GNAQ: variants seen among roughly 807,000 people sequenced by gnomAD.
GNAQ encodes G protein subunit alpha q.
GNAQ carries 8 observed loss-of-function variants against 43.9 expected under a neutral mutation model. That is an observed-to-expected ratio of 0.18 (90% CI 0.11 to 0.33). The LOEUF (loss-of-function observed/expected upper bound fraction) is 0.33, where lower values mean the gene tolerates loss of function less well. GNAQ is among the 10% of genes least tolerant of loss of function. The pLI, the probability that GNAQ is intolerant of heterozygous loss-of-function variation, is 1.00. For synonymous variants in GNAQ, 155 were observed against 170.7 expected, an observed-to-expected ratio of 0.91 and a Z score of 0.71; for missense variants, 158 against 450.8, an observed-to-expected ratio of 0.35 and a Z score of 5.88.
intron 2 of GNAQ, among the ~76,000 whole-genome samples, chr9:77,836,902 A>T (rs1367765619): frequency 6.6e-6 from 1 of 152,236 alleles, no homozygotes; most frequent in Non-Finnish European, 1.5e-5. Flanking sequence ...TAGAGATAGG[A>T]CATAAAAGTT....
At chr9:78,025,574 G>A (rs1478760237) in intron 1 of GNAQ, among the ~76,000 whole-genome samples, 1 of 152,108 alleles carries the variant, frequency 6.6e-6, no homozygotes, top group African/African-American at 2.4e-5. Flanking sequence ...TTCCAACCAG[G>A]AAATTTGACT....
At chr9:77,891,991 T>A (rs1347704638) in intron 2 of GNAQ, among the ~76,000 whole-genome samples, 1 of 152,234 alleles carries the variant, frequency 6.6e-6, no homozygotes, top group Non-Finnish European at 1.5e-5. Context: ...CCTGCCTTTT[T>A]TCAAAAGCCA....
At chr9:77,986,934 C>T (rs927787861) in intron 1 of GNAQ, among the ~76,000 whole-genome samples, 1 of 146,252 alleles carries the variant, frequency 6.8e-6, no homozygotes, top group South Asian at 2.2e-4. Flanking sequence ...AGATTTTATT[C>T]TTTTATTTAT....
intron 2 of GNAQ, among the ~76,000 whole-genome samples, chr9:77,841,610 A>G (rs1352990803): frequency 1.3e-5 from 2 of 152,226 alleles, no homozygotes; most frequent in Admixed American, 6.5e-5. Context: ...TGAAGCTACA[A>G]GAATCATTAT....
chr9:77,848,541 C>G (rs1344355543), intron 2 of GNAQ, among the ~76,000 whole-genome samples: 2 of 152,222 alleles, frequency 1.3e-5, no homozygotes, highest in Non-Finnish European at 2.9e-5. Context: ...TCCTGGCCAA[C>G]AGCAGAAAAG....
At chr9:77,849,946 A>G (rs1827646155) in intron 2 of GNAQ, among the ~76,000 whole-genome samples, 1 of 152,164 alleles carries the variant, frequency 6.6e-6, no homozygotes, top group South Asian at 2.1e-4. Context: ...CCAGCCCTTG[A>G]CAGTATTTGA....
intron 1 of GNAQ, among the ~76,000 whole-genome samples, chr9:77,977,307 A>G (rs978478999): frequency 1.3e-5 from 2 of 152,160 alleles, no homozygotes; most frequent in Non-Finnish European, 2.9e-5. Flanking sequence ...ACACAGATTA[A>G]GGCCAAAAGC....
intron 1 of GNAQ, 31 bp from the exon 2 acceptor site, chr9:77,922,376 C>T (rs750384690): frequency 2.7e-6 from 4 of 1,501,006 alleles, no homozygotes; most frequent in Non-Finnish European, 2.8e-6. Context: ...GCTCATCAGA[C>T]CACAGTGCCA....
chr9:77,894,262 A>C (rs1350960567), intron 2 of GNAQ, among the ~76,000 whole-genome samples: 1 of 129,476 alleles, frequency 7.7e-6, no homozygotes, highest in Non-Finnish European at 1.6e-5. Context: ...CATTTAAGTC[A>C]TAAAAGAAGC....
chr9:77,728,671 G>GAAA lies in GNAQ; in HGVS notation c.736-7_736-5dup, dbSNP rs5898555. The GAAA allele has an allele frequency of 6.9e-4, 918 of 1,324,570 alleles. No homozygotes were observed. The highest frequency in any genetic ancestry group is 8.3e-4 in the Non-Finnish European group (797 of 963,840). The allele number at this position is 1,324,570 out of a possible 1,614,324, so 82.1% of individuals were successfully genotyped here. ...CCTTGCTTTCCTCCATTCGGTTCTG[G>GAAA]AAAAAAAAAAAAAATCAGAAAAAAC... On this transcript the variant is annotated splice_polypyrimidine_tract_variant and splice_region_variant and intron_variant, in intron 5 of 6. Coordinates refer to ENST00000286548, the MANE Select transcript of GNAQ (RefSeq NM_002072.5).
chr9:77,789,176 T>G (rs1468476169), intron 5 of GNAQ, among the ~76,000 whole-genome samples: 1 of 152,202 alleles, frequency 6.6e-6, no homozygotes, highest in African/African-American at 2.4e-5. Context: ...AGATTTTTCA[T>G]GTGATTTATT....
At chr9:77,909,935 C>T in intron 2 of GNAQ, among the ~76,000 whole-genome samples, 1 of 152,020 alleles carries the variant, frequency 6.6e-6, no homozygotes, top group African/African-American at 2.4e-5. Context: ...TTTTAAAGTG[C>T]ATTTCTTGCT....
chr9:77,816,852 G>A (rs1431697085), intron 2 of GNAQ, among the ~76,000 whole-genome samples: 2 of 152,144 alleles, frequency 1.3e-5, no homozygotes, highest in Non-Finnish European at 2.9e-5. Context: ...TCCATGTTAG[G>A]CCTTTACCTT....
intron 2 of GNAQ, among the ~76,000 whole-genome samples, chr9:77,837,656 A>T (rs12346105): frequency 0.027 from 980 of 36,598 alleles, 5 homozygotes; most frequent in African/African-American, 0.038. Flanking sequence ...AAATTATTCT[A>T]AAAAAAAAAT....
chr9:77,880,568 T>G (rs902224527), intron 2 of GNAQ, among the ~76,000 whole-genome samples: 32 of 149,046 alleles, frequency 2.1e-4, no homozygotes, highest in African/African-American at 8.1e-4. Flanking sequence ...TTTTTTTTTT[T>G]GTTTTTTTTG....
At chr9:77,763,117 C>CA (rs1043866097) in intron 5 of GNAQ, among the ~76,000 whole-genome samples, 13 of 115,508 alleles carry the variant, frequency 1.1e-4, no homozygotes, top group Admixed American at 3.6e-4. Context: ...TAAAAAAAAA[C>CA]AAAAAAATAA....
At chr9:77,867,339 G>A (rs1387845325) in intron 2 of GNAQ, among the ~76,000 whole-genome samples, 3 of 152,060 alleles carry the variant, frequency 2.0e-5, no homozygotes, top group Non-Finnish European at 2.9e-5. Context: ...CCAAATTACT[G>A]TTTTCCTTTT....
intron 5 of GNAQ, among the ~76,000 whole-genome samples, chr9:77,744,759 A>T (rs546260617): frequency 6.6e-6 from 1 of 152,246 alleles, no homozygotes; most frequent in African/African-American, 2.4e-5. Context: ...AAATAACTAA[A>T]GGTAAAAACT....
At chr9:78,018,653 C>A (rs1823867881) in intron 1 of GNAQ, among the ~76,000 whole-genome samples, 1 of 152,022 alleles carries the variant, frequency 6.6e-6, no homozygotes, top group African/African-American at 2.4e-5. Flanking sequence ...CTATTAAGCA[C>A]AATAGCTTTT....
Sources: gnomAD v4.1 joint callset for allele counts (sites outside exome capture counted in the v4.1 genomes callset) on GRCh38, gnomAD v4.1.1 for gene constraint, MANE v1.5 for transcripts, NCBI Gene and HGNC (gene_info 2026-07-23, HGNC 2026-07-21) for gene names.